MAP2K4: variants seen among roughly 807,000 people sequenced by gnomAD.
The protein encoded by MAP2K4 is mitogen-activated protein kinase kinase 4, also known as dual specificity mitogen-activated protein kinase kinase 4.
Under a neutral mutation model 48.5 loss-of-function variants are expected in MAP2K4, and 4 were observed. That is an observed-to-expected ratio of 0.08 (90% CI 0.04 to 0.19). The LOEUF (loss-of-function observed/expected upper bound fraction) is 0.19, where lower values mean the gene tolerates loss of function less well. MAP2K4 is among the 10% of genes least tolerant of loss of function. The pLI, the probability that MAP2K4 is intolerant of heterozygous loss-of-function variation, is 1.00. For synonymous variants in MAP2K4, 166 were observed against 173.1 expected (o/e 0.96, Z 0.32); for missense variants, 258 against 493.3 (o/e 0.52, Z 4.52).
At position 12,041,814 on chromosome 17, in the gene MAP2K4, A is replaced by G. The variant is rs377743964; in HGVS notation, c.116-13075A>G. Among the ~76,000 whole-genome samples the G allele has an allele frequency of 1.8e-4, 27 of 152,334 alleles. No individual in the cohort carries two copies. The East Asian group carries it at 2.5e-3, about 14-fold the overall frequency. On this transcript the variant is annotated intron_variant, in intron 1 of 10. Transcript: ENST00000353533. ...AATATTTGAGTTCCTATTAAATGAC[A>G]GGTGCTGTTACGAAAAGAACTGAGT...
intron 1 of MAP2K4, among the ~76,000 whole-genome samples, chr17:12,023,164 T>G (rs1969144962): frequency 6.6e-6 from 1 of 152,222 alleles, no homozygotes; most frequent in South Asian, 2.1e-4. Flanking sequence ...TGTTATATCT[T>G]GTTCTTGAAA....
chr17:12,097,820 G>C (rs1971809114), intron 4 of MAP2K4, among the ~76,000 whole-genome samples: 1 of 152,156 alleles, frequency 6.6e-6, no homozygotes. Flanking sequence ...TTTATTAGAA[G>C]TGGTCCAGAT....
intron 4 of MAP2K4, among the ~76,000 whole-genome samples, chr17:12,103,039 T>TAAA (rs555398450): frequency 3.2e-5 from 4 of 126,406 alleles, no homozygotes; most frequent in South Asian, 2.6e-4. Flanking sequence ...TTCTTATCTT[T>TAAA]AAAAAAAAAA....
intron 1 of MAP2K4, among the ~76,000 whole-genome samples, chr17:12,053,821 T>C (rs1368700488): frequency 2.6e-5 from 4 of 152,084 alleles, no homozygotes; most frequent in African/African-American, 9.7e-5. Flanking sequence ...GATTTTCAGA[T>C]CTCACATTTA....
chr17:12,046,567 G>C (rs1352844122), intron 1 of MAP2K4, among the ~76,000 whole-genome samples: 1 of 152,124 alleles, frequency 6.6e-6, no homozygotes, highest in African/African-American at 2.4e-5. Context: ...AAGTGTTGCT[G>C]TTATTGGCTT....
At chr17:12,079,272 T>C (rs1971112850) in intron 2 of MAP2K4, among the ~76,000 whole-genome samples, 1 of 152,240 alleles carries the variant, frequency 6.6e-6, no homozygotes. Flanking sequence ...TGAGCTAAAC[T>C]ATTAGTAGAG....
At chr17:12,073,962 C>T (rs1222046039) in intron 2 of MAP2K4, among the ~76,000 whole-genome samples, 1 of 151,804 alleles carries the variant, frequency 6.6e-6, no homozygotes, top group Admixed American at 6.6e-5. Context: ...TTAGTAGAGA[C>T]GGGGGTTCAC....
At chr17:12,102,312 T>C (rs1354765138) in intron 4 of MAP2K4, among the ~76,000 whole-genome samples, 1 of 152,178 alleles carries the variant, frequency 6.6e-6, no homozygotes, top group African/African-American at 2.4e-5. Context: ...GTGAGTTATA[T>C]GAATTGATCT....
intron 3 of MAP2K4, among the ~76,000 whole-genome samples, chr17:12,086,885 C>T (rs1486877846): frequency 1.3e-5 from 2 of 151,906 alleles, no homozygotes; most frequent in East Asian, 1.9e-4. Context: ...TTCACTGCGT[C>T]GCCCAGGCTG....
At chr17:12,107,436 T>G (rs1402311912) in intron 4 of MAP2K4, among the ~76,000 whole-genome samples, 1 of 150,566 alleles carries the variant, frequency 6.6e-6, no homozygotes, top group Non-Finnish European at 1.5e-5. Flanking sequence ...TCTCTTAAGA[T>G]TACTGTCATC....
At chr17:12,120,131 A>C (rs577575720) in intron 7 of MAP2K4, among the ~76,000 whole-genome samples, 3 of 152,308 alleles carry the variant, frequency 2.0e-5, no homozygotes, top group South Asian at 2.1e-4. Context: ...ACAAACCTGC[A>C]TGTGTAATCC....
At chr17:12,116,387 A>G (rs1362084176) in intron 7 of MAP2K4, among the ~76,000 whole-genome samples, 1 of 152,160 alleles carries the variant, frequency 6.6e-6, no homozygotes, top group East Asian at 1.9e-4. Flanking sequence ...TAGACTTTAT[A>G]AACACTGTAC....
At chr17:12,076,875 A>AT (rs748663799) in intron 2 of MAP2K4, among the ~76,000 whole-genome samples, 2 of 134,944 alleles carry the variant, frequency 1.5e-5, no homozygotes, top group Non-Finnish European at 3.3e-5. Context: ...GTGTGTGTGT[A>AT]TTTTTTGTGT....
chr17:12,103,835 C>G (rs778866445), intron 4 of MAP2K4, among the ~76,000 whole-genome samples: 1 of 152,096 alleles, frequency 6.6e-6, no homozygotes, highest in Admixed American at 6.5e-5. Context: ...AATATAGATT[C>G]GTAATATACA....
At chr17:12,112,007 CT>C (rs1034737145) in intron 6 of MAP2K4, among the ~76,000 whole-genome samples, 20 of 152,168 alleles carry the variant, frequency 1.3e-4, no homozygotes, top group African/African-American at 4.6e-4. Flanking sequence ...TCTCTAATAC[CT>C]TTTCTTGGCT....
In MAP2K4 at chr17:12,051,602, G is replaced by C. The variant is rs150766671; in HGVS notation, c.116-3287G>C. On this transcript the variant is annotated intron_variant, in intron 1 of 10. Transcript: ENST00000353533. ...ATAATCACAAATTCATAATGTTTTT[G>C]ATCAGTTATTTTAAACCCTGTTGTA... Among the ~76,000 whole-genome samples the C allele has an allele frequency of 3.0e-3, 455 of 152,196 alleles. 3 individuals are homozygous for C. Among genetic ancestry groups the C allele is most frequent in the African/African-American group, 0.011 (437 of 41,524 alleles).
intron 2 of MAP2K4, among the ~76,000 whole-genome samples, chr17:12,075,589 A>G (rs1371406577): frequency 1.3e-5 from 2 of 152,220 alleles, no homozygotes; most frequent in Non-Finnish European, 2.9e-5. Context: ...CAGGCAGTTA[A>G]TAATAATACA....
At chr17:12,129,041 G>A (rs1972944492) in intron 8 of MAP2K4, 98 bp from the exon 9 acceptor site, 2 of 1,126,596 alleles carry the variant, frequency 1.8e-6, no homozygotes, top group South Asian at 3.0e-5. Flanking sequence ...GGCTTTACTA[G>A]AGTTTTGCTT....
intron 4 of MAP2K4, among the ~76,000 whole-genome samples, chr17:12,098,397 G>T (rs953914275): frequency 6.6e-6 from 1 of 151,104 alleles, no homozygotes. Context: ...AGAATCGCTT[G>T]AATCCAGGAG....
Sources: gnomAD v4.1 joint callset for allele counts (sites outside exome capture counted in the v4.1 genomes callset) on GRCh38, gnomAD v4.1.1 for gene constraint, MANE v1.5 for transcripts, NCBI Gene and HGNC (gene_info 2026-07-23, HGNC 2026-07-21) for gene names.